The following ELMO2 variants were observed in gnomAD, a reference collection of about 807,000 sequenced individuals.
ELMO2 encodes the protein engulfment and cell motility protein 2.
Under a neutral mutation model 96.2 loss-of-function variants are expected in ELMO2, and 37 were observed. The observed-to-expected ratio is 0.38, with a 90% CI of 0.30 to 0.51. ELMO2 has a LOEUF of 0.51. ELMO2 is among the 20% of genes least tolerant of loss of function. The pLI is 0.88. For missense variants in ELMO2, 561 were observed against 912.6 expected (o/e 0.61, Z 4.96); for synonymous variants, 315 against 329.4 (o/e 0.96, Z 0.47).
chr20:46,374,140 C>G (rs992520136), intron 15 of ELMO2, among the ~76,000 whole-genome samples, 192 bp downstream of exon 15: 8 of 122,008 alleles, frequency 6.6e-5, no homozygotes, highest in Non-Finnish European at 1.3e-4. Flanking sequence ...TGGGGTCTCA[C>G]TATGTTGCCC....
intron 19 of ELMO2, 71 bp from the exon 20 acceptor site, chr20:46,370,596 A>C: frequency 1.4e-6 from 2 of 1,443,716 alleles, no homozygotes; most frequent in Middle Eastern, 1.7e-4. Context: ...TCAGTGCTGG[A>C]AGGGAGGTAC....
At chr20:46,398,271 A>G (rs1259017704) in intron 2 of ELMO2, among the ~76,000 whole-genome samples, 1 of 152,184 alleles carries the variant, frequency 6.6e-6, no homozygotes, top group Admixed American at 6.5e-5. Context: ...TAGTAATCAT[A>G]TATCTAGTAG....
Position 46,370,274 on chromosome 20 carries a change from T to G in ELMO2, c.1884+169A>C, listed in dbSNP as rs1277569264. 3.1e-5 allele frequency: 22 copies of G among 710,734 alleles called. No individual in the cohort carries two copies. The Admixed American group carries it at 4.4e-4, about 14-fold the overall frequency. 44.0% of individuals were successfully genotyped at this position (710,734 alleles called of 1,614,324 possible). ...ACTGGCCATGGTTGCTGAGTCTGGG[T>G]GATGTGTATACAGAGGTTCCATCTA... On this transcript the variant is annotated intron_variant, in intron 20 of 21. Coordinates refer to ENST00000290246, the MANE Select transcript of ELMO2 (RefSeq NM_133171.5).
At chr20:46,370,350 G>A in intron 20 of ELMO2, 93 bp downstream of exon 20, 1 of 1,082,958 alleles carries the variant, frequency 9.2e-7, no homozygotes, top group South Asian at 1.2e-5. Flanking sequence ...ATAGAGAGGG[G>A]AAGATGCCAA....
intron 2 of ELMO2, 25 bp from the exon 3 acceptor site, chr20:46,394,557 G>T: frequency 6.6e-7 from 1 of 1,504,418 alleles, no homozygotes; most frequent in Non-Finnish European, 9.2e-7. Flanking sequence ...TCAGAAAGGT[G>T]GAAAAAGAGT....
At chr20:46,404,741 C>T (rs567362555) in intron 1 of ELMO2, among the ~76,000 whole-genome samples, 11 of 151,910 alleles carry the variant, frequency 7.2e-5, no homozygotes, top group African/African-American at 1.9e-4. Context: ...AAAACAAGAA[C>T]GTAAAATATC....
rs201165179 is a variant in ELMO2, at chr20:46,389,216, C to T, written c.248G>A (p.Arg83Gln). The part of the protein sequence containing the change: ...TILQLAISPS[R>Q]AARQLMERTQ... ...CCTCTCCATCAGCTGGCGTGCAGCCCGGGACTAGGAGGCCAGGGACAAGAT... is the reference window on the plus strand; with the variant it reads ...CCTCTCCATCAGCTGGCGTGCAGCCTGGGACTAGGAGGCCAGGGACAAGAT... The change falls in exon 7 of 22, where the codon CGG becomes CAG. Residue 83 changes from arginine (R) to glutamine (Q), a missense_variant. Transcript: ENST00000290246. The T allele has an allele frequency of 8.7e-6, 14 of 1,613,536 alleles. No homozygotes were observed. Among genetic ancestry groups the T allele is most frequent in the East Asian group, 2.2e-5 (1 of 44,864 alleles).
At chr20:46,382,605 G>T (rs1015783020) in intron 10 of ELMO2, among the ~76,000 whole-genome samples, 1 of 152,206 alleles carries the variant, frequency 6.6e-6, no homozygotes, top group African/African-American at 2.4e-5. Context: ...CCCAAAAAGA[G>T]GTTACAAACA....
chr20:46,382,461 T>G (rs2059974057), intron 10 of ELMO2, among the ~76,000 whole-genome samples: 2 of 152,244 alleles, frequency 1.3e-5, no homozygotes, highest in African/African-American at 4.8e-5. Context: ...CCCATGAGAT[T>G]GTCAGAGAAC....
At position 46,389,021 on chromosome 20, in the gene ELMO2, G is replaced by T; in HGVS notation, c.425+18C>A. On this transcript the variant is annotated intron_variant, in intron 7 of 21. Coordinates refer to ENST00000290246, the MANE Select transcript of ELMO2 (RefSeq NM_133171.5). The stretch of plus-strand genomic sequence containing the variant: ...TAAATCGTCGAAGTCCTTGGAACGA[G>T]ACCTTAGTCATACTCACTGGGACAA... The T allele has an allele frequency of 6.2e-7, 1 of 1,607,114 alleles. No individual in the cohort carries two copies. Among genetic ancestry groups the T allele is most frequent in the South Asian group, 1.1e-5 (1 of 90,706 alleles).
At chr20:46,376,975 A>G in intron 11 of ELMO2, 1 of 389,110 alleles carries the variant, frequency 2.6e-6, no homozygotes, top group Non-Finnish European at 4.7e-6. Context: ...AGCAATGCAG[A>G]TACGGAACAC....
At chr20:46,373,370 G>A in intron 16 of ELMO2, 29 bp downstream of exon 16, 1 of 1,612,780 alleles carries the variant, frequency 6.2e-7, no homozygotes, top group Non-Finnish European at 8.5e-7. Context: ...CTCCTCCCGT[G>A]GGCCTCAGAG....
At chr20:46,376,346 C>T (rs114041690) in intron 11 of ELMO2, among the ~76,000 whole-genome samples, 97 of 152,130 alleles carry the variant, frequency 6.4e-4, no homozygotes, top group African/African-American at 2.2e-3. Context: ...TCCTTCCTTC[C>T]TTCCTCTCAC....
In ELMO2 at chr20:46,383,455, A is replaced by G; in HGVS notation, c.717T>C (p.Ile239=). 6 of 1,614,126 alleles carry G rather than the reference A, an allele frequency of 3.7e-6. No individual in the cohort carries two copies. The highest frequency in any genetic ancestry group is 5.1e-6 in the Non-Finnish European group (6 of 1,180,000). ...CAGGAGCCTTCAGAAAAAGTGCATT[A>G]ATCAGTGCAATGGCGTAGGTCTGAA... ...QEIQTYAIAL[I]NALFLKAPED... The change falls in exon 10 of 22, where the codon ATT becomes ATC. Residue 239 remains isoleucine, a synonymous_variant. Transcript: ENST00000290246.
chr20:46,400,018 T>A (rs2060309930), intron 1 of ELMO2, among the ~76,000 whole-genome samples: 1 of 151,956 alleles, frequency 6.6e-6, no homozygotes, highest in Non-Finnish European at 1.5e-5. Flanking sequence ...GTGCCTGTAG[T>A]CCCTAGCTAC....
intron 8 of ELMO2, among the ~76,000 whole-genome samples, chr20:46,386,637 C>T (rs191986216): frequency 1.9e-3 from 294 of 152,340 alleles, no homozygotes; most frequent in African/African-American, 6.7e-3. Flanking sequence ...CACACTCCCC[C>T]TAAACACACT....
chr20:46,369,614 C>T (rs1056991423), intron 20 of ELMO2: 2 of 153,574 alleles, frequency 1.3e-5, no homozygotes, highest in African/African-American at 4.8e-5. Flanking sequence ...CTTCAACAGT[C>T]TGCTAATTAT....
In ELMO2 at chr20:46,371,300, G is replaced by C; in HGVS notation, c.1801+52C>G. 6.4e-7 allele frequency: 1 copy of C among 1,562,830 alleles called. No individual in the cohort carries two copies. Among genetic ancestry groups the C allele is most frequent in the Non-Finnish European group, 8.8e-7 (1 of 1,134,730 alleles). On this transcript the variant is annotated intron_variant, in intron 19 of 21. Transcript: ENST00000290246. The surrounding 1 kb of genome is among the most constrained non-coding windows in gnomAD (Gnocchi z 5.9). ...TACAAACAGCTGGACTAGAACTCCT[G>C]TCTCCTGACAAGTCCAGCAACCATG...
chr20:46,381,784 G>A (rs1036103111), intron 10 of ELMO2, among the ~76,000 whole-genome samples: 18 of 152,180 alleles, frequency 1.2e-4, no homozygotes, highest in African/African-American at 4.3e-4. Context: ...ATTCCCTTTT[G>A]TCGATTGTCT....
Sources: gnomAD v4.1 joint callset for allele counts (sites outside exome capture counted in the v4.1 genomes callset) on GRCh38, gnomAD v4.1.1 for gene constraint, Gnocchi (gnomAD v3.1) non-coding constraint, MANE v1.5 for transcripts, NCBI Gene and HGNC (gene_info 2026-07-23, HGNC 2026-07-21) for gene names.